Variants in BRSK2 observed in about 807,000 individuals in gnomAD.
The protein encoded by BRSK2 is BR serine/threonine kinase 2.
Under a neutral mutation model 83.3 loss-of-function variants are expected in BRSK2, and 19 were observed. The observed-to-expected ratio is 0.23, with a 90% confidence interval of 0.16 to 0.33. The LOEUF (loss-of-function observed/expected upper bound fraction) is 0.33. Ranked by LOEUF, BRSK2 falls within the 10% of genes least tolerant of loss-of-function variation. The pLI is 1.00. For missense variants in BRSK2, 798 were observed against 1,042.3 expected (o/e 0.77, Z 3.23); for synonymous variants, 519 against 435.4 (o/e 1.19, Z -2.39).
At chr11:1,408,217 T>C in intron 1 of BRSK2, among the ~76,000 whole-genome samples, 1 of 152,210 alleles carries the variant, frequency 6.6e-6, no homozygotes, top group East Asian at 1.9e-4. Context: ...CTGCTGGAGC[T>C]TTCTCTTGGC....
Position 1,454,258 on chromosome 11 carries a change from A to G in BRSK2, c.1545-227A>G, listed in dbSNP as rs771073268. On this transcript the variant is annotated intron_variant, in intron 15 of 19. Coordinates refer to ENST00000528841, the MANE Select transcript of BRSK2 (RefSeq NM_001256627.2). This position sits in a 1 kb window ranked among gnomAD's most constrained non-coding sequence, Gnocchi z 5.2. Reference sequence around the variant, plus strand: ...GGTCAGGGCGTTAGGGCTTGGAGAAAGGTTAGGGTTGGGGTTGGGGTTAGA... The same window carrying G: ...GGTCAGGGCGTTAGGGCTTGGAGAAGGGTTAGGGTTGGGGTTGGGGTTAGA... 32 of 472,316 alleles carry G rather than the reference A, an allele frequency of 6.8e-5. No homozygotes were observed. The highest frequency in any genetic ancestry group is 1.1e-4 in the Non-Finnish European group (30 of 261,106). 29.3% of individuals were successfully genotyped at this position (472,316 alleles called of 1,614,324 possible). A position where few individuals can be genotyped will look rare whatever the true frequency, so the allele number is the denominator to read the frequency against.
At position 1,460,460 on chromosome 11, in the gene BRSK2, CCTTTT is replaced by C. The variant is rs869134473; in HGVS notation, c.1988-39_1988-35del. 9,957 of 1,111,708 alleles carry C rather than the reference CCTTTT, an allele frequency of 9.0e-3. 22 individuals are homozygous for C. The highest frequency in any genetic ancestry group is 0.01 in the Middle Eastern group (33 of 3,280). The allele number at this position is 1,111,708 out of a possible 1,614,324, so 68.9% of individuals were successfully genotyped here. On this transcript the variant is annotated intron_variant, in intron 19 of 19. Coordinates refer to ENST00000528841, the MANE Select transcript of BRSK2 (RefSeq NM_001256627.2). ...TCTCTCCCCCTTTTTTTTCTTTTTT[CCTTTT>C]TTTTTTTTTTTTTGTCTCTGTTCTG...
intron 1 of BRSK2, among the ~76,000 whole-genome samples, chr11:1,407,765 G>C (rs1846995220): frequency 6.6e-6 from 1 of 152,248 alleles, no homozygotes; most frequent in African/African-American, 2.4e-5. Context: ...GTGATCAACT[G>C]GCTCCGCTGG....
Position 1,445,784 on chromosome 11 carries a change from C to T in BRSK2, c.1103C>T (p.Pro368Leu), listed in dbSNP as rs1028608903. The T allele has an allele frequency of 1.2e-6, 2 of 1,612,344 alleles. No individual in the cohort carries two copies. Among genetic ancestry groups the T allele is most frequent in the East Asian group, 2.2e-5 (1 of 44,858 alleles). Residue 368 changes from proline (P) to leucine (L), a missense_variant, in exon 12 of 20, where the codon CCG becomes CTG. Physicochemically the swap from Pro to Leu is moderately conservative, Grantham distance 98 (BLOSUM62 -3). Transcript: ENST00000528841. The stretch of plus-strand genomic sequence containing the variant: ...CCTCCCCGGAAGCGTGTGGACTCCC[C>T]GATGCTGAACCGGCACGGCAAGCGG... ...IDPPRKRVDS[P>L]MLNRHGKRRP...
chr11:1,412,911 G>C (rs1847689615), intron 1 of BRSK2, among the ~76,000 whole-genome samples: 1 of 150,088 alleles, frequency 6.7e-6, no homozygotes, highest in Admixed American at 6.6e-5. Flanking sequence ...CACTCGCATG[G>C]GACGGGACCG....
intron 13 of BRSK2, among the ~76,000 whole-genome samples, chr11:1,450,233 C>G (rs1310471823): frequency 1.3e-5 from 2 of 151,768 alleles, no homozygotes; most frequent in African/African-American, 4.8e-5. Flanking sequence ...TATTAGGAAG[C>G]TTGTCCTGCC....
At position 1,438,439 on chromosome 11, in the gene BRSK2, G is replaced by A. The variant is rs765588293; in HGVS notation, c.272+48G>A. 6.2e-5 allele frequency: 97 copies of A among 1,556,662 alleles called. No homozygotes were observed. The highest frequency in any genetic ancestry group is 7.7e-5 in the Non-Finnish European group (87 of 1,129,408). ...AGCTGGGGTGGCGGAGGTGGCAGCT[G>A]TCGCTGCAGGGGTGGGTGTCTGGGG... On this transcript the variant is annotated intron_variant, in intron 3 of 19. Transcript: ENST00000528841. The surrounding 1 kb of genome is among the most constrained non-coding windows in gnomAD (Gnocchi z 6.4).
intron 1 of BRSK2, chr11:1,411,348 C>G (rs1324464699): frequency 1.9e-5 from 27 of 1,441,494 alleles, no homozygotes; most frequent in Non-Finnish European, 2.3e-5. Context: ...GGGCACAGTT[C>G]TGCCCCATCT....
chr11:1,441,997 C>G (rs1418470081), intron 4 of BRSK2, among the ~76,000 whole-genome samples: 1 of 112,682 alleles, frequency 8.9e-6, no homozygotes, highest in South Asian at 3.3e-4. Context: ...TCCCCCCCAC[C>G]CCATTAGCTA....
intron 18 of BRSK2, 22 bp downstream of exon 18, chr11:1,456,709 C>G (rs1846593375): frequency 1.9e-6 from 3 of 1,571,512 alleles, no homozygotes; most frequent in Non-Finnish European, 2.6e-6. Flanking sequence ...TCAGCTCCGG[C>G]CAACCTGCGG....
At chr11:1,406,551 G>A (rs1000376767) in intron 1 of BRSK2, among the ~76,000 whole-genome samples, 1 of 152,204 alleles carries the variant, frequency 6.6e-6, no homozygotes, top group African/African-American at 2.4e-5. Flanking sequence ...TGCATGGGGG[G>A]CGAGCGGAGC....
intron 1 of BRSK2, among the ~76,000 whole-genome samples, chr11:1,394,920 TC>T (rs1358169225): frequency 1.1e-5 from 1 of 90,964 alleles, no homozygotes; most frequent in South Asian, 3.9e-4. Context: ...TGGAGATGGG[TC>T]CTGGAGATGG....
At position 1,438,869 on chromosome 11, in the gene BRSK2, C is replaced by T. The variant is rs751671993; in HGVS notation, c.272+478C>T. 1.2e-4 allele frequency among the ~76,000 whole-genome samples: 19 copies of T among 152,200 alleles called. No homozygotes were observed. Among genetic ancestry groups the T allele is most frequent in the Non-Finnish European group, 2.5e-4 (17 of 68,026 alleles). On this transcript the variant is annotated intron_variant, in intron 3 of 19. Transcript: ENST00000528841. The surrounding 1 kb of genome is among the most constrained non-coding windows in gnomAD (Gnocchi z 6.4). ...TGGCTGAGTGTGGCTGAAAGTGTCA[C>T]CTCCGCAGCCGCTGAGGCCAGCAGA...
chr11:1,414,976 G>A (rs1847936396), intron 1 of BRSK2, among the ~76,000 whole-genome samples: 1 of 152,190 alleles, frequency 6.6e-6, no homozygotes, highest in South Asian at 2.1e-4. Flanking sequence ...ACATGTGGCT[G>A]CTTCCACCTT....
intron 1 of BRSK2, among the ~76,000 whole-genome samples, chr11:1,396,976 T>G (rs1367521422): frequency 6.6e-6 from 1 of 152,222 alleles, no homozygotes; most frequent in Non-Finnish European, 1.5e-5. Flanking sequence ...GAGGTTCCAA[T>G]GGCTGGAAAC....
chr11:1,398,182 G>A (rs1846241141), intron 1 of BRSK2, among the ~76,000 whole-genome samples: 1 of 152,206 alleles, frequency 6.6e-6, no homozygotes, highest in African/African-American at 2.4e-5. Flanking sequence ...GAAGGGGTCA[G>A]GATAGGGGCT....
intron 3 of BRSK2, among the ~76,000 whole-genome samples, chr11:1,440,224 G>A (rs968529958): frequency 5.6e-4 from 86 of 152,288 alleles, no homozygotes; most frequent in African/African-American, 1.8e-3. Flanking sequence ...CCACGGGGGC[G>A]GTGCTGGGAG....
intron 1 of BRSK2, among the ~76,000 whole-genome samples, chr11:1,416,104 G>A (rs907675595): frequency 2.6e-5 from 4 of 152,262 alleles, no homozygotes; most frequent in Admixed American, 1.3e-4. Flanking sequence ...GGGGCCACCC[G>A]AGCTAGGGCA....
intron 1 of BRSK2, among the ~76,000 whole-genome samples, chr11:1,408,923 G>GGT (rs1330336450): frequency 8.7e-5 from 13 of 149,252 alleles, no homozygotes; most frequent in Middle Eastern, 3.5e-3. Flanking sequence ...CCTGTGCAAG[G>GGT]GTGTGTGTGT....
Sources: gnomAD v4.1 joint callset for allele counts (sites outside exome capture counted in the v4.1 genomes callset) on GRCh38, gnomAD v4.1.1 for gene constraint, Gnocchi (gnomAD v3.1) non-coding constraint, MANE v1.5 for transcripts, NCBI Gene and HGNC (gene_info 2026-07-23, HGNC 2026-07-21) for gene names.